The following KCNH1 variants were observed in gnomAD, a reference collection of about 807,000 sequenced individuals.
KCNH1 encodes voltage-gated delayed rectifier potassium channel KCNH1.
A neutral mutation model predicts 69.2 loss-of-function variants in KCNH1; 27 were observed. That is an observed-to-expected ratio of 0.39 (90% CI 0.29 to 0.54). KCNH1 has a LOEUF of 0.54. Among genes scored for constraint, KCNH1 ranks in the 20% least tolerant of loss-of-function variants. The pLI is 0.68. For synonymous variants in KCNH1, 456 were observed against 487.7 expected (o/e 0.93, Z 0.86); for missense variants, 798 against 1,261.6 (o/e 0.63, Z 5.57).
chr1:211,001,625 A>G (rs1278899467), intron 6 of KCNH1, among the ~76,000 whole-genome samples: 1 of 152,194 alleles, frequency 6.6e-6, no homozygotes, highest in Admixed American at 6.5e-5. Flanking sequence ...AGGGATCTAG[A>G]ACTAGAAATA....
intron 8 of KCNH1, among the ~76,000 whole-genome samples, chr1:210,802,362 A>G (rs1168667326): frequency 6.6e-6 from 1 of 152,206 alleles, no homozygotes; most frequent in African/African-American, 2.4e-5. Context: ...TTGGTTTGCA[A>G]TGTGTCATTA....
chr1:210,856,655 T>C (rs1685844031), intron 7 of KCNH1, among the ~76,000 whole-genome samples: 2 of 150,674 alleles, frequency 1.3e-5, no homozygotes, highest in South Asian at 2.1e-4. Flanking sequence ...CACCAGAGAG[T>C]ACCCCCTCAT....
chr1:210,775,782 T>A lies in KCNH1; in HGVS notation c.1916-238A>T, dbSNP rs141163370. ...TTTAATCACTTTGAGATCATTTATG[T>A]CACCTCCTCAAAGGGTTATCTTGAT... On this transcript the variant is annotated intron_variant, in intron 9 of 10. Coordinates refer to ENST00000271751, the MANE Select transcript of KCNH1 (RefSeq NM_172362.3). 1.1e-4 allele frequency among the ~76,000 whole-genome samples: 17 copies of A among 152,338 alleles called. No homozygotes were observed. The East Asian group carries it at 1.7e-3, about 16-fold the overall frequency.
chr1:210,740,355 C>T (rs940959056), intron 10 of KCNH1, among the ~76,000 whole-genome samples: 6 of 152,146 alleles, frequency 3.9e-5, no homozygotes, highest in South Asian at 4.2e-4. Context: ...TTTTCAGAAA[C>T]AGACTTTTAC....
chr1:211,120,436 T>A (rs189626067), intron 1 of KCNH1, among the ~76,000 whole-genome samples: 304 of 152,242 alleles, frequency 2.0e-3, no homozygotes, highest in African/African-American at 6.9e-3. Context: ...CTGATCCACC[T>A]GCCTCAGCCT....
At chr1:210,721,271 C>A (rs1682447477) in intron 10 of KCNH1, among the ~76,000 whole-genome samples, 2 of 152,090 alleles carry the variant, frequency 1.3e-5, no homozygotes, top group East Asian at 3.9e-4. Flanking sequence ...CCTGCATAAC[C>A]CAGGCCCTAC....
At position 210,796,966 on chromosome 1, in the gene KCNH1, G is replaced by A. The variant is rs536709829; in HGVS notation, c.1915+542C>T. On this transcript the variant is annotated intron_variant, in intron 9 of 10. Coordinates refer to ENST00000271751, the MANE Select transcript of KCNH1 (RefSeq NM_172362.3). ...TAATGTGGCTTCCAGAGCCTGCCAC[G>A]ATCTGCCTAGTGCTTCACTCCCTCC... Among the ~76,000 whole-genome samples, 3 of 152,106 alleles carry A rather than the reference G, an allele frequency of 2.0e-5. No homozygotes were observed. The East Asian group carries it at 5.8e-4, about 29-fold the overall frequency.
At chr1:210,830,138 T>G (rs978589279) in intron 7 of KCNH1, among the ~76,000 whole-genome samples, 2 of 152,174 alleles carry the variant, frequency 1.3e-5, no homozygotes, top group African/African-American at 4.8e-5. Context: ...TCCTTAAGTT[T>G]CCCTTAACCA....
intron 6 of KCNH1, among the ~76,000 whole-genome samples, chr1:210,946,387 A>G (rs753229789): frequency 4.6e-5 from 7 of 152,152 alleles, no homozygotes; most frequent in Non-Finnish European, 1.0e-4. Context: ...CCTGGAGGCA[A>G]AAACCACATT....
In KCNH1 at chr1:210,999,310, A is replaced by G. The variant is rs1474252916; in HGVS notation, c.1032+19473T>C. On this transcript the variant is annotated intron_variant, in intron 6 of 10. Transcript: ENST00000271751. ...AAAGGGAGAAGAATCAAATAGACAC[A>G]ATAAAAAATGATAAAGGGGATATCA... 2.0e-5 allele frequency among the ~76,000 whole-genome samples: 3 copies of G among 152,232 alleles called. No homozygotes were observed. In the East Asian group the frequency reaches 5.8e-4, roughly 29 times the overall value.
At chr1:211,048,661 G>A (rs1244614889) in intron 5 of KCNH1, among the ~76,000 whole-genome samples, 1 of 152,140 alleles carries the variant, frequency 6.6e-6, no homozygotes, top group Non-Finnish European at 1.5e-5. Flanking sequence ...CCAAAGGCAT[G>A]AGAATGATAC....
chr1:210,987,489 T>G (rs1297617539), intron 6 of KCNH1, among the ~76,000 whole-genome samples: 1 of 152,226 alleles, frequency 6.6e-6, no homozygotes, highest in East Asian at 1.9e-4. Flanking sequence ...GTTTGTTAGT[T>G]TTCCTTCTAA....
At chr1:210,748,928 GC>G (rs984267470) in intron 10 of KCNH1, among the ~76,000 whole-genome samples, 10 of 152,142 alleles carry the variant, frequency 6.6e-5, no homozygotes, top group African/African-American at 2.4e-4. Flanking sequence ...TGCTCCCACT[GC>G]CCCAGGCTTT....
At chr1:210,865,569 A>C (rs985994654) in intron 7 of KCNH1, among the ~76,000 whole-genome samples, 4 of 152,234 alleles carry the variant, frequency 2.6e-5, no homozygotes, top group African/African-American at 9.6e-5. Context: ...CACAGTGTAC[A>C]CACAATGCTG....
Position 211,046,431 on chromosome 1 carries a change from G to C in KCNH1, c.559-27175C>G, listed in dbSNP as rs12022372. On this transcript the variant is annotated intron_variant, in intron 5 of 10. Transcript: ENST00000271751. Reference sequence around the variant, plus strand: ...AGCAGATGCCCTTCCCCAGGAGCGAGGGTGTTATGGCATTGGTTATCATTT... The same window carrying C: ...AGCAGATGCCCTTCCCCAGGAGCGACGGTGTTATGGCATTGGTTATCATTT... 1.2e-3 allele frequency among the ~76,000 whole-genome samples: 188 copies of C among 152,248 alleles called. 1 individual carries two copies. Among genetic ancestry groups the C allele is most frequent in the African/African-American group, 4.3e-3 (179 of 41,542 alleles).
intron 10 of KCNH1, among the ~76,000 whole-genome samples, chr1:210,715,665 T>TTGCTA (rs1382540609): frequency 1.3e-5 from 2 of 152,116 alleles, no homozygotes; most frequent in African/African-American, 4.8e-5. Flanking sequence ...TAATCATGAG[T>TTGCTA]TGCTATGATT....
chr1:211,093,077 A>G (rs1691084759), intron 3 of KCNH1, among the ~76,000 whole-genome samples: 1 of 152,196 alleles, frequency 6.6e-6, no homozygotes, highest in Non-Finnish European at 1.5e-5. Context: ...TAGAATCTCC[A>G]GAACCCTCCC....
At chr1:210,826,210 A>T (rs565314339) in intron 7 of KCNH1, among the ~76,000 whole-genome samples, 7 of 152,316 alleles carry the variant, frequency 4.6e-5, no homozygotes, top group Admixed American at 1.3e-4. Context: ...TAGAGGACTA[A>T]GAAAAGGCCA....
At chr1:210,839,707 A>C (rs2102451408) in intron 7 of KCNH1, among the ~76,000 whole-genome samples, 1 of 152,348 alleles carries the variant, frequency 6.6e-6, no homozygotes, top group African/African-American at 2.4e-5. Flanking sequence ...ACAGGACAGA[A>C]GAACTTTATA....
Sources: gnomAD v4.1 joint callset for allele counts (sites outside exome capture counted in the v4.1 genomes callset) on GRCh38, gnomAD v4.1.1 for gene constraint, MANE v1.5 for transcripts, NCBI Gene and HGNC (gene_info 2026-07-23, HGNC 2026-07-21) for gene names.